Variants in IL1RAPL2 observed in about 807,000 individuals in gnomAD.
IL1RAPL2 encodes the protein X-linked interleukin-1 receptor accessory protein-like 2.
A neutral mutation model predicts 44.1 loss-of-function variants in IL1RAPL2; 3 were observed. The observed-to-expected ratio is 0.07, with a 90% CI of 0.03 to 0.18. IL1RAPL2 has a LOEUF of 0.18. IL1RAPL2 is among the 10% of genes least tolerant of loss of function. The pLI, the probability that IL1RAPL2 is intolerant of heterozygous loss-of-function variation, is 1.00. For missense variants in IL1RAPL2, 391 were observed against 496.4 expected (o/e 0.79, Z 2.02); for synonymous variants, 181 against 178.8 (o/e 1.01, Z -0.10).
chrX:105,272,416 A>G (rs1187932630), intron 5 of IL1RAPL2, among the ~76,000 whole-genome samples: 1 of 112,164 alleles, frequency 8.9e-6, no homozygotes, highest in East Asian at 2.8e-4. Context: ...TCAGAAATAC[A>G]TGCTTTTATG....
chrX:104,937,909 A>T (rs1009944418), intron 2 of IL1RAPL2, among the ~76,000 whole-genome samples: 6 of 112,415 alleles, frequency 5.3e-5, no homozygotes, highest in Non-Finnish European at 1.1e-4. Flanking sequence ...TTTAGTTTAA[A>T]ATGAATGTAG....
At chrX:104,894,794 T>C (rs913251637) in intron 2 of IL1RAPL2, among the ~76,000 whole-genome samples, 2 of 112,498 alleles carry the variant, frequency 1.8e-5, no homozygotes, top group African/African-American at 6.5e-5. Flanking sequence ...CTCATCAAAG[T>C]CATTCTCCAT....
chrX:105,438,039 A>G (rs192755365), intron 5 of IL1RAPL2, among the ~76,000 whole-genome samples: 1 of 112,016 alleles, frequency 8.9e-6, no homozygotes, highest in East Asian at 2.8e-4. Flanking sequence ...CTTAACCATG[A>G]CAAGCCTAAA....
At chrX:105,474,284 T>A (rs1227276517) in intron 5 of IL1RAPL2, among the ~76,000 whole-genome samples, 2 of 111,498 alleles carry the variant, frequency 1.8e-5, no homozygotes, top group Non-Finnish European at 3.8e-5. Context: ...AAGGAATTGA[T>A]TTTCTCCCAG....
intron 2 of IL1RAPL2, among the ~76,000 whole-genome samples, chrX:104,931,226 G>A (rs1243550323): frequency 1.8e-5 from 2 of 110,420 alleles, no homozygotes; most frequent in African/African-American, 6.6e-5. Context: ...GCCAGAAGTA[G>A]CACTAAGATA....
chrX:104,704,519 A>G (rs1931332791), intron 2 of IL1RAPL2, among the ~76,000 whole-genome samples: 1 of 111,380 alleles, frequency 9.0e-6, no homozygotes, highest in Admixed American at 9.6e-5. Context: ...CTCTTTGTTG[A>G]ATTATCTGCT....
intron 5 of IL1RAPL2, among the ~76,000 whole-genome samples, chrX:105,295,903 T>C (rs1271227622): frequency 9.0e-6 from 1 of 111,384 alleles, no homozygotes; most frequent in Non-Finnish European, 1.9e-5. Flanking sequence ...ACCTTTTTCC[T>C]GGCCCATTTC....
intron 5 of IL1RAPL2, among the ~76,000 whole-genome samples, chrX:105,456,243 A>C (rs937437753): frequency 8.9e-6 from 1 of 112,030 alleles, no homozygotes; most frequent in Non-Finnish European, 1.9e-5. Context: ...GATTTTCTAC[A>C]TATAAGACCA....
chrX:105,037,502 C>T (rs775102196), intron 2 of IL1RAPL2, among the ~76,000 whole-genome samples: 2 of 110,924 alleles, frequency 1.8e-5, no homozygotes, highest in African/African-American at 3.3e-5. Context: ...TCATTAAGCA[C>T]CTTCTATGTG....
intron 5 of IL1RAPL2, 53 bp downstream of exon 5, chrX:105,267,594 G>C: frequency 7.1e-6 from 7 of 984,479 alleles, no homozygotes; most frequent in Non-Finnish European, 9.7e-6. Context: ...GTATAATTTG[G>C]TTTGGGAAGC....
chrX:105,405,877 A>G, intron 5 of IL1RAPL2: 2 of 1,165,022 alleles, frequency 1.7e-6, no homozygotes, highest in Non-Finnish European at 2.3e-6. Flanking sequence ...ACCAGTGTGT[A>G]TAATGGGAAA....
intron 5 of IL1RAPL2, among the ~76,000 whole-genome samples, chrX:105,369,840 C>G (rs969634932): frequency 9.0e-6 from 1 of 110,667 alleles, no homozygotes; most frequent in Non-Finnish European, 1.9e-5. Context: ...CTGGAGCAAG[C>G]CAGGGAAGAA....
chrX:105,502,951 T>C (rs765092456), intron 6 of IL1RAPL2, among the ~76,000 whole-genome samples: 3 of 110,378 alleles, frequency 2.7e-5, no homozygotes, highest in African/African-American at 9.9e-5. Context: ...AATCAGTTTG[T>C]GGCATTGGTG....
rs1397386458 is a variant in IL1RAPL2, at chrX:105,540,254, T to C, written c.772+55867T>C. 2.7e-5 allele frequency among the ~76,000 whole-genome samples: 3 copies of C among 111,950 alleles called. No individual in the cohort carries two copies. In the East Asian group the frequency reaches 8.4e-4, roughly 31 times the overall value. ...CATGCACTCATAGGTAATCACAGCA[T>C]TATTTACAATAGCAATGACATGGAA... On this transcript the variant is annotated intron_variant, in intron 6 of 10. Transcript: ENST00000372582.
chrX:104,779,821 G>T (rs1932760949), intron 2 of IL1RAPL2, among the ~76,000 whole-genome samples: 1 of 110,927 alleles, frequency 9.0e-6, no homozygotes, highest in Admixed American at 9.7e-5. Context: ...TGTGAGCAAT[G>T]ATGTGAAGGC....
chrX:105,234,691 C>G (rs782593449), intron 4 of IL1RAPL2, among the ~76,000 whole-genome samples: 2 of 109,425 alleles, frequency 1.8e-5, no homozygotes, highest in African/African-American at 6.7e-5. Context: ...ACCTGTAATC[C>G]CAGCAACTTG....
At chrX:105,237,049 A>T (rs192896686) in intron 4 of IL1RAPL2, among the ~76,000 whole-genome samples, 1 of 110,853 alleles carries the variant, frequency 9.0e-6, no homozygotes, top group Non-Finnish European at 1.9e-5. Context: ...CCTGTGTCCA[A>T]GTGTTCTCAT....
chrX:104,601,397 A>G (rs1928881118), intron 1 of IL1RAPL2, among the ~76,000 whole-genome samples: 3 of 108,764 alleles, frequency 2.8e-5, no homozygotes, highest in Admixed American at 1.0e-4. Flanking sequence ...TGTCCTTGCG[A>G]TAGTTTGCTA....
At chrX:105,220,351 T>G in intron 3 of IL1RAPL2, 1 of 1,203,806 alleles carries the variant, frequency 8.3e-7, no homozygotes. Context: ...GGCCACCACG[T>G]TGCTATGCCG....
Sources: gnomAD v4.1 joint callset for allele counts (sites outside exome capture counted in the v4.1 genomes callset) on GRCh38, gnomAD v4.1.1 for gene constraint, MANE v1.5 for transcripts, NCBI Gene and HGNC (gene_info 2026-07-23, HGNC 2026-07-21) for gene names.